Variants in PLXDC2 observed in about 807,000 individuals in gnomAD.
The protein encoded by PLXDC2 is plexin domain-containing protein 2.
In PLXDC2, 40 loss-of-function variants were observed where a neutral mutation model predicts 68.9. That is an observed-to-expected ratio of 0.58 (90% CI 0.45 to 0.76). The LOEUF is 0.76. Ranked by LOEUF, PLXDC2 falls within the 30% of genes least tolerant of loss-of-function variation. PLXDC2 has a pLI of 0.00. For missense variants in PLXDC2, 644 were observed against 661.9 expected (o/e 0.97, Z 0.30); for synonymous variants, 243 against 234.2 (o/e 1.04, Z -0.34).
chr10:19,934,711 A>T (rs374970210), intron 1 of PLXDC2, among the ~76,000 whole-genome samples: 1 of 152,236 alleles, frequency 6.6e-6, no homozygotes, highest in Non-Finnish European at 1.5e-5. Flanking sequence ...ACAGTGTTCT[A>T]GTTTAGCAGT....
At position 20,217,507 on chromosome 10, in the gene PLXDC2, C is replaced by A; in HGVS notation, c.1204C>A (p.Gln402Lys). Residue 402 changes from glutamine (Q) to lysine (K), a missense_variant, in exon 11 of 14, where the codon CAG becomes AAG. Physicochemically the swap from Gln to Lys is moderately conservative, Grantham distance 53. Around this residue, in one of 3 missense-constraint regions of PLXDC2, gnomAD observed 330 missense variants for 327.9 expected, o/e 1.01. Coordinates refer to ENST00000377252, the MANE Select transcript of PLXDC2 (RefSeq NM_032812.9). ...TTTTVGATTT[Q>K]FRVLTTTRRA... ...CACAACCGTAGGAGCGACAACCACCCAGTTCAGGGTCCTAACTACCACCAG... is the reference window on the plus strand; with the variant it reads ...CACAACCGTAGGAGCGACAACCACCAAGTTCAGGGTCCTAACTACCACCAG... 1 of 1,612,698 alleles carries A rather than the reference C, an allele frequency of 6.2e-7. No individual in the cohort carries two copies.
chr10:19,846,688 T>C (rs1357157436), intron 1 of PLXDC2, among the ~76,000 whole-genome samples: 1 of 152,090 alleles, frequency 6.6e-6, no homozygotes, highest in Non-Finnish European at 1.5e-5. Flanking sequence ...AGATATGCAG[T>C]GTGGGAAGAG....
chr10:19,854,884 C>T (rs186873908), intron 1 of PLXDC2, among the ~76,000 whole-genome samples: 5 of 152,136 alleles, frequency 3.3e-5, no homozygotes, highest in Non-Finnish European at 5.9e-5. Flanking sequence ...TTTTCCACTG[C>T]GAGAAAAATG....
intron 1 of PLXDC2, among the ~76,000 whole-genome samples, chr10:19,987,728 T>A (rs2358654): frequency 0.81 from 122,485 of 150,940 alleles, 49,702 homozygotes; most frequent in African/African-American, 0.83. Context: ...CCCCCGGCTA[T>A]TTTTTTTTTG....
chr10:19,866,630 A>G (rs896628477), intron 1 of PLXDC2, among the ~76,000 whole-genome samples: 2 of 152,230 alleles, frequency 1.3e-5, no homozygotes, highest in African/African-American at 4.8e-5. Context: ...GCACAGAACA[A>G]GACAATACTG....
At chr10:20,131,630 C>G (rs1725456994) in intron 4 of PLXDC2, among the ~76,000 whole-genome samples, 1 of 152,122 alleles carries the variant, frequency 6.6e-6, no homozygotes, top group Non-Finnish European at 1.5e-5. Context: ...GAACTCCTGA[C>G]CTCAGGTGAT....
At chr10:20,165,549 A>G (rs954923334) in intron 7 of PLXDC2, among the ~76,000 whole-genome samples, 2 of 151,250 alleles carry the variant, frequency 1.3e-5, no homozygotes, top group Non-Finnish European at 2.9e-5. Flanking sequence ...TGTTCTTGTG[A>G]TAGTTTACTG....
At chr10:20,033,128 C>G (rs1159747195) in intron 2 of PLXDC2, among the ~76,000 whole-genome samples, 1 of 151,570 alleles carries the variant, frequency 6.6e-6, no homozygotes, top group Non-Finnish European at 1.5e-5. Flanking sequence ...CACATGTATA[C>G]ATATGTAACA....
chr10:19,865,598 C>T (rs1213795141), intron 1 of PLXDC2, among the ~76,000 whole-genome samples: 2 of 152,124 alleles, frequency 1.3e-5, no homozygotes, highest in African/African-American at 2.4e-5. Context: ...AGTAAAAAAA[C>T]GTCGAAAGTA....
intron 1 of PLXDC2, among the ~76,000 whole-genome samples, chr10:19,999,958 G>A (rs1193862535): frequency 1.3e-5 from 2 of 152,120 alleles, no homozygotes; most frequent in Non-Finnish European, 2.9e-5. Flanking sequence ...CATACAACCA[G>A]CAAACCTACT....
chr10:20,206,686 G>T (rs904253407), intron 9 of PLXDC2, among the ~76,000 whole-genome samples: 29 of 152,102 alleles, frequency 1.9e-4, no homozygotes, highest in African/African-American at 6.8e-4. Context: ...AAATTGCTGA[G>T]TTCCAATTGC....
chr10:19,892,205 A>G (rs570383326), intron 1 of PLXDC2, among the ~76,000 whole-genome samples: 29 of 152,332 alleles, frequency 1.9e-4, no homozygotes, highest in Admixed American at 1.5e-3. Context: ...AGTGCCAGCC[A>G]CTGTCTAAGG....
intron 4 of PLXDC2, among the ~76,000 whole-genome samples, chr10:20,073,511 T>C (rs940753465): frequency 2.0e-5 from 3 of 152,220 alleles, no homozygotes; most frequent in Non-Finnish European, 4.4e-5. Context: ...AAACATCTGG[T>C]CATTTATAAA....
chr10:20,190,061 T>G (rs1834744200), intron 9 of PLXDC2, among the ~76,000 whole-genome samples: 1 of 151,866 alleles, frequency 6.6e-6, no homozygotes. Context: ...TTTGGCAAAC[T>G]GGAGATAAAG....
intron 13 of PLXDC2, among the ~76,000 whole-genome samples, chr10:20,258,290 C>T (rs911959423): frequency 4.6e-5 from 7 of 151,940 alleles, no homozygotes; most frequent in Admixed American, 2.0e-4. Flanking sequence ...CGTGAGCCAC[C>T]GTGCCTGCCC....
intron 1 of PLXDC2, among the ~76,000 whole-genome samples, chr10:19,921,834 CT>C (rs1011930417): frequency 4.6e-5 from 7 of 151,980 alleles, no homozygotes; most frequent in African/African-American, 1.4e-4. Flanking sequence ...CTGTGTCTAT[CT>C]TTTTTTTAAT....
intron 3 of PLXDC2, among the ~76,000 whole-genome samples, chr10:20,066,427 A>G (rs1836213571): frequency 6.6e-6 from 1 of 152,222 alleles, no homozygotes; most frequent in Admixed American, 6.5e-5. Context: ...TGCATAAGGT[A>G]AATTTTACCA....
chr10:19,942,232 A>G (rs1833831704), intron 1 of PLXDC2, among the ~76,000 whole-genome samples: 1 of 152,214 alleles, frequency 6.6e-6, no homozygotes, highest in South Asian at 2.1e-4. Flanking sequence ...GATTGTCCAG[A>G]TGGTAAAAGC....
At chr10:20,164,924 T>G (rs1385497471) in intron 7 of PLXDC2, among the ~76,000 whole-genome samples, 1 of 152,170 alleles carries the variant, frequency 6.6e-6, no homozygotes, top group Non-Finnish European at 1.5e-5. Context: ...CAAATGATCC[T>G]CCTACCTCAG....
Sources: gnomAD v4.1 joint callset for allele counts (sites outside exome capture counted in the v4.1 genomes callset) on GRCh38, gnomAD v4.1.1 for gene constraint, gnomAD v4.1.1 regional missense constraint, MANE v1.5 for transcripts, NCBI Gene and HGNC (gene_info 2026-07-23, HGNC 2026-07-21) for gene names.